Variants in NBEAL1 observed in about 807,000 individuals in gnomAD.
NBEAL1 encodes neurobeachin like 1.
A neutral mutation model predicts 351.3 loss-of-function variants in NBEAL1; 273 were observed. The ratio of observed to expected loss-of-function variants is 0.78; its 90% CI spans 0.70 to 0.86. The LOEUF (loss-of-function observed/expected upper bound fraction) is 0.86, where lower values mean the gene tolerates loss of function less well. Among genes scored for constraint, NBEAL1 ranks in the 40% least tolerant of loss-of-function variants. The pLI is 0.00. For missense variants in NBEAL1, 2,961 were observed against 3,201.3 expected (o/e 0.92, Z 1.81); for synonymous variants, 1,050 against 1,086.4 (o/e 0.97, Z 0.66).
intron 46 of NBEAL1, among the ~76,000 whole-genome samples, chr2:203,192,971 T>C (rs1238392067): frequency 7.5e-6 from 1 of 133,920 alleles, no homozygotes; most frequent in Non-Finnish European, 1.6e-5. Flanking sequence ...TTCTTTTTTT[T>C]TTTTTTTTTT....
intron 19 of NBEAL1, among the ~76,000 whole-genome samples, chr2:203,123,319 CT>C (rs1397775654): frequency 6.7e-6 from 1 of 149,184 alleles, no homozygotes; most frequent in Non-Finnish European, 1.5e-5. Flanking sequence ...AACACTTGTT[CT>C]TTTTCTTTTC....
At chr2:203,204,393 C>T (rs1166049959) in intron 51 of NBEAL1, among the ~76,000 whole-genome samples, 1 of 147,162 alleles carries the variant, frequency 6.8e-6, no homozygotes, top group East Asian at 2.0e-4. Context: ...GGCAGTGGCA[C>T]AATCATGGCT....
chr2:203,135,432 T>TA (rs955169795), intron 27 of NBEAL1, among the ~76,000 whole-genome samples: 1 of 152,172 alleles, frequency 6.6e-6, no homozygotes, highest in African/African-American at 2.4e-5. Context: ...TTTTCTTTTT[T>TA]ATCTTCCAGC....
At chr2:203,186,496 A>G (rs1406540947) in intron 44 of NBEAL1, among the ~76,000 whole-genome samples, 2 of 152,212 alleles carry the variant, frequency 1.3e-5, no homozygotes, top group Non-Finnish European at 2.9e-5. Context: ...AATTCCAGTA[A>G]GGACATGCTC....
Position 203,208,696 on chromosome 2 carries a change from C to G in NBEAL1, c.7566C>G (p.Asn2522Lys), listed in dbSNP as rs375978228. Residue 2522 changes from asparagine (N) to lysine (K), a missense_variant, in exon 52 of 56, where the codon AAC (asparagine) becomes AAG (lysine). Transcript: ENST00000683969. ...KPFQILYGHT[N>K]EVLSVGISTE... ...TTCAGATTCTTTATGGACACACCAA[C>G]GAGGTACTGAGTGTCGGCATCAGCA... 1.9e-6 allele frequency: 3 copies of G among 1,612,512 alleles called. No individual in the cohort carries two copies. Among genetic ancestry groups the G allele is most frequent in the Non-Finnish European group, 2.5e-6 (3 of 1,179,692 alleles).
rs930168224 is a variant in NBEAL1 at position 203,175,338 on chromosome 2, A to G, written c.6464+51A>G. The G allele has an allele frequency of 2.5e-6, 4 of 1,584,484 alleles. No individual in the cohort carries two copies. In the Admixed American group the frequency reaches 5.1e-5, roughly 20 times the overall value. On this transcript the variant is annotated intron_variant, in intron 42 of 55. Coordinates refer to ENST00000683969, the MANE Select transcript of NBEAL1 (RefSeq NM_001378026.1). ...TTTTTATGACTATGTTAGTGTTGAA[A>G]ACTGTTTGCCTTCATGTCATGTACT...
chr2:203,162,019 ATTT>A (rs780529337), intron 36 of NBEAL1, among the ~76,000 whole-genome samples: 2 of 107,222 alleles, frequency 1.9e-5, no homozygotes, highest in Admixed American at 1.9e-4. Context: ...ATTTGATTTG[ATTT>A]TTTTTTTTTT....
intron 10 of NBEAL1, among the ~76,000 whole-genome samples, chr2:203,094,189 A>C (rs1037469993): frequency 6.6e-6 from 1 of 152,206 alleles, no homozygotes; most frequent in Non-Finnish European, 1.5e-5. Context: ...ACTGGAACTT[A>C]AGGTCACAGT....
At position 203,188,601 on chromosome 2, in the gene NBEAL1, T is replaced by G; in HGVS notation, c.6823+12T>G. On this transcript the variant is annotated intron_variant, in intron 45 of 55. Coordinates refer to ENST00000683969, the MANE Select transcript of NBEAL1 (RefSeq NM_001378026.1). Reference sequence around the variant, plus strand: ...TTGTAGTTATGAAGGTATAAATCTATACACTTTTTCTCTTGCTTTACCTTG... The same window carrying G: ...TTGTAGTTATGAAGGTATAAATCTAGACACTTTTTCTCTTGCTTTACCTTG... The G allele has an allele frequency of 1.4e-6, 2 of 1,458,256 alleles. No homozygotes were observed. Among genetic ancestry groups the G allele is most frequent in the Non-Finnish European group, 1.9e-6 (2 of 1,055,438 alleles). 90.3% of individuals were successfully genotyped at this position (1,458,256 alleles called of 1,614,324 possible).
chr2:203,026,252 A>C (rs1397697978), intron 2 of NBEAL1, among the ~76,000 whole-genome samples: 2 of 152,030 alleles, frequency 1.3e-5, no homozygotes, highest in African/African-American at 2.4e-5. Context: ...GATCAGTGTA[A>C]TTTATAATGT....
At position 203,049,855 on chromosome 2, in the gene NBEAL1, A is replaced by G. The variant is rs779276059; in HGVS notation, c.185A>G (p.Asn62Ser). 1.5e-5 allele frequency: 24 copies of G among 1,554,886 alleles called. No homozygotes were observed. The highest frequency in any genetic ancestry group is 1.9e-5 in the Non-Finnish European group (22 of 1,147,468). ...CCAGGAATATCTCTGCTTCCTGATA[A>G]TATTCTGCAGGTTCTGAGGATCCAG... ...MPPGISLLPD[N>S]ILQVLRIQLL... Residue 62 changes from asparagine (N) to serine (S), a missense_variant, in exon 4 of 56, where the codon AAT (asparagine) becomes AGT (serine). Coordinates refer to ENST00000683969, the MANE Select transcript of NBEAL1 (RefSeq NM_001378026.1).
In NBEAL1 at chr2:203,209,356, C is replaced by T. The variant is rs7576698; in HGVS notation, c.7785+34C>T. ...CCTTTCATGCAATAGAGGTAGACTC[C>T]CAATAGCATATCTTTCCCTCCCCAC... On this transcript the variant is annotated intron_variant, in intron 53 of 55. Transcript: ENST00000683969. 8.6e-4 allele frequency: 1,296 copies of T among 1,503,622 alleles called. 9 individuals carry two copies. The African/African-American group carries it at 0.016, about 19-fold the overall frequency. The allele number at this position is 1,503,622 out of a possible 1,614,324, so 93.1% of individuals were successfully genotyped here.
Position 203,217,541 on chromosome 2 carries a change from C to T in NBEAL1, c.*187C>T, listed in dbSNP as rs1575143104. On this transcript the variant is annotated 3_prime_UTR_variant, in exon 56 of 56. Transcript: ENST00000683969. ...ATACTAAGATGTATTTGAGAAAATACATTTGATTTGATTTTGTGGCCCATT... is the reference window on the plus strand; with the variant it reads ...ATACTAAGATGTATTTGAGAAAATATATTTGATTTGATTTTGTGGCCCATT... 1 of 1,192,902 alleles carries T rather than the reference C, an allele frequency of 8.4e-7. No homozygotes were observed. The highest frequency in any genetic ancestry group is 1.0e-6 in the Non-Finnish European group (1 of 961,820). The allele number at this position is 1,192,902 out of a possible 1,614,324, so 73.9% of individuals were successfully genotyped here.
chr2:203,156,705 A>G (rs1458610804), intron 35 of NBEAL1, among the ~76,000 whole-genome samples: 2 of 152,230 alleles, frequency 1.3e-5, no homozygotes, highest in South Asian at 2.1e-4. Context: ...TGTCTGAGCA[A>G]CGGTATCATT....
At chr2:203,120,093 A>T (rs112782273) in intron 18 of NBEAL1, among the ~76,000 whole-genome samples, 1 of 152,206 alleles carries the variant, frequency 6.6e-6, no homozygotes, top group African/African-American at 2.4e-5. Context: ...TAAATTTTTT[A>T]AAAAATAAGT....
chr2:203,072,100 C>G (rs2061693771), intron 7 of NBEAL1, among the ~76,000 whole-genome samples: 1 of 152,210 alleles, frequency 6.6e-6, no homozygotes. Context: ...AGCCTTGCCT[C>G]CTGGATCTTT....
intron 2 of NBEAL1, among the ~76,000 whole-genome samples, chr2:203,034,535 T>A (rs185778234): frequency 1.4e-5 from 2 of 143,674 alleles, no homozygotes; most frequent in Admixed American, 7.1e-5. Flanking sequence ...CTCGGCTCAC[T>A]GAAACCTCCA....
rs776295508 is a variant in NBEAL1, at chr2:203,115,978, T to C, written c.2507-7T>C. 15 of 1,547,512 alleles carry C rather than the reference T, an allele frequency of 9.7e-6. No individual in the cohort carries two copies. In the African/African-American group the frequency reaches 1.4e-4, roughly 14 times the overall value. On this transcript the variant is annotated splice_polypyrimidine_tract_variant and splice_region_variant and intron_variant, in intron 17 of 55. Coordinates refer to ENST00000683969, the MANE Select transcript of NBEAL1 (RefSeq NM_001378026.1). ...ATGGTGTGTATGTGTGTGTAAATAATTTTCAGGTCCAAATTGTTTAAGCCC... is the reference window on the plus strand; with the variant it reads ...ATGGTGTGTATGTGTGTGTAAATAACTTTCAGGTCCAAATTGTTTAAGCCC...
intron 20 of NBEAL1, 66 bp downstream of exon 20, chr2:203,125,586 A>G: frequency 7.6e-7 from 1 of 1,312,438 alleles, no homozygotes; most frequent in South Asian, 2.1e-5. Flanking sequence ...GAAATAAATG[A>G]AAATGTTTTA....
Sources: allele counts gnomAD v4.1 joint callset (sites outside exome capture counted in the v4.1 genomes callset), GRCh38; gene constraint gnomAD v4.1.1; transcripts MANE v1.5; gene names NCBI Gene and HGNC (gene_info 2026-07-23, HGNC 2026-07-21).